Variants in FSHR observed in about 807,000 individuals in gnomAD.
The protein encoded by FSHR is follicle stimulating hormone receptor, also known as follicle-stimulating hormone receptor.
Under a neutral mutation model 52.1 loss-of-function variants are expected in FSHR, and 46 were observed. That is an observed-to-expected ratio of 0.88 (90% CI 0.70 to 1.13). The LOEUF is 1.13. Among genes scored for constraint, FSHR ranks in the 50% most tolerant of loss-of-function variants. The pLI, the probability that FSHR is intolerant of heterozygous loss-of-function variation, is 0.00. For synonymous variants in FSHR, 399 were observed against 309.6 expected (o/e 1.29, Z -3.03); for missense variants, 964 against 834.6 (o/e 1.16, Z -1.91).
At chr2:49,033,588 C>T (rs1311622467) in intron 2 of FSHR, among the ~76,000 whole-genome samples, 1 of 152,098 alleles carries the variant, frequency 6.6e-6, no homozygotes, top group Non-Finnish European at 1.5e-5. Context: ...AACCAAGCTG[C>T]CTGCACTGGG....
chr2:49,095,213 C>T (rs532557180), intron 1 of FSHR, among the ~76,000 whole-genome samples: 4 of 152,218 alleles, frequency 2.6e-5, no homozygotes, highest in South Asian at 2.1e-4. Context: ...ACTCATACTT[C>T]ATGATTTCAA....
In FSHR at chr2:49,060,662, G is replaced by A. The variant is rs138177308; in HGVS notation, c.224+7557C>T. ...GGCTGAGCTGTTATAGTATCCTGCC[G>A]CCCAGGCAAGAGAGAAGTGGCTGAA... is the stretch of plus-strand genomic sequence containing the variant. On this transcript the variant is annotated intron_variant, in intron 2 of 9. Coordinates refer to ENST00000406846, the MANE Select transcript of FSHR (RefSeq NM_000145.4). 2.8e-3 allele frequency among the ~76,000 whole-genome samples: 428 copies of A among 152,210 alleles called. 1 individual carries two copies. The highest frequency in any genetic ancestry group is 4.6e-3 in the Non-Finnish European group (312 of 67,986).
intron 1 of FSHR, among the ~76,000 whole-genome samples, chr2:49,069,557 C>T (rs1453628045): frequency 6.6e-6 from 1 of 152,050 alleles, no homozygotes; most frequent in African/African-American, 2.4e-5. Context: ...AATTCAAGTT[C>T]CATGAGGGCA....
chr2:49,144,083 C>T (rs1672785611), intron 1 of FSHR, among the ~76,000 whole-genome samples: 2 of 152,058 alleles, frequency 1.3e-5, no homozygotes, highest in African/African-American at 4.8e-5. Context: ...ATGCCAGGTG[C>T]CACTTACGAC....
chr2:49,136,149 C>T (rs981533163), intron 1 of FSHR, among the ~76,000 whole-genome samples: 2 of 151,844 alleles, frequency 1.3e-5, no homozygotes, highest in African/African-American at 4.8e-5. Context: ...AGATAGTAGA[C>T]TCAAATTAGT....
rs568181787 is a variant in FSHR, at chr2:48,980,125, G to A, written c.668+2787C>T. Among the ~76,000 whole-genome samples, 236 of 152,304 alleles carry A rather than the reference G, an allele frequency of 1.5e-3. 2 individuals are homozygous for A. Among genetic ancestry groups the A allele is most frequent in the African/African-American group, 5.5e-3 (228 of 41,572 alleles). On this transcript the variant is annotated intron_variant, in intron 8 of 9. Transcript: ENST00000406846. Reference sequence around the variant, plus strand: ...GACTGATCTGAAAGCCCCAGAAAGGGGGGCTTGATGTTAAGGTGAACAATT... The same window carrying A: ...GACTGATCTGAAAGCCCCAGAAAGGAGGGCTTGATGTTAAGGTGAACAATT...
At chr2:49,092,208 G>A (rs902991828) in intron 1 of FSHR, among the ~76,000 whole-genome samples, 2 of 152,156 alleles carry the variant, frequency 1.3e-5, no homozygotes, top group Admixed American at 6.5e-5. Flanking sequence ...ATTTTTACAT[G>A]TTGACTTTGC....
intron 1 of FSHR, among the ~76,000 whole-genome samples, chr2:49,109,828 A>G: frequency 6.6e-6 from 1 of 152,194 alleles, no homozygotes; most frequent in East Asian, 1.9e-4. Flanking sequence ...TTAAATTAGG[A>G]AAAGGATAAG....
chr2:49,020,281 C>A, intron 2 of FSHR, 121 bp from the exon 3 acceptor site: 1 of 847,956 alleles, frequency 1.2e-6, no homozygotes, highest in Non-Finnish European at 2.0e-6. Context: ...TCCTTTCCTG[C>A]CATTAAAGAA....
intron 1 of FSHR, among the ~76,000 whole-genome samples, chr2:49,129,824 G>T (rs906610652): frequency 6.6e-6 from 1 of 152,096 alleles, no homozygotes; most frequent in Non-Finnish European, 1.5e-5. Flanking sequence ...CATATGGTCT[G>T]GCAGACCCTA....
intron 1 of FSHR, among the ~76,000 whole-genome samples, chr2:49,083,936 C>T (rs192485587): frequency 1.9e-4 from 28 of 151,094 alleles, no homozygotes; most frequent in African/African-American, 5.8e-4. Flanking sequence ...GACAGATCAA[C>T]GAGACAGAAA....
chr2:49,056,464 ATATATATATATATATATATATATC>A (rs1558414975), intron 2 of FSHR, among the ~76,000 whole-genome samples: 1 of 39,102 alleles, frequency 2.6e-5, no homozygotes, highest in Admixed American at 3.6e-4. Context: ...ATATATATAT[ATATATATATATATATATATATATC>A]CAACACCAGA....
intron 1 of FSHR, among the ~76,000 whole-genome samples, chr2:49,150,425 TA>T (rs1320770608): frequency 6.6e-6 from 1 of 152,126 alleles, no homozygotes; most frequent in Non-Finnish European, 1.5e-5. Context: ...CTGTGGTAGA[TA>T]ATTTTTGCCT....
intron 4 of FSHR, among the ~76,000 whole-genome samples, chr2:48,996,319 C>A (rs186425901): frequency 1.2e-4 from 19 of 152,166 alleles, no homozygotes; most frequent in African/African-American, 4.3e-4. Context: ...AGTTGATTCT[C>A]ATTATCCACA....
intron 2 of FSHR, among the ~76,000 whole-genome samples, chr2:49,035,792 T>A (rs56945754): frequency 0.07 from 10,704 of 152,200 alleles, 1,203 homozygotes; most frequent in African/African-American, 0.24. Flanking sequence ...TTGCATTTAA[T>A]AAAGGACTAC....
intron 1 of FSHR, among the ~76,000 whole-genome samples, chr2:49,125,891 A>G (rs992669787): frequency 3.3e-5 from 5 of 152,228 alleles, no homozygotes; most frequent in African/African-American, 1.2e-4. Context: ...TGGATGGCTG[A>G]TGAGTTCAGT....
intron 4 of FSHR, among the ~76,000 whole-genome samples, chr2:48,995,317 T>C (rs1250696554): frequency 6.6e-6 from 1 of 152,132 alleles, no homozygotes; most frequent in Non-Finnish European, 1.5e-5. Context: ...TTGTGAATGC[T>C]TTATGAGTTC....
At chr2:48,972,866 T>G (rs1179833205) in intron 8 of FSHR, among the ~76,000 whole-genome samples, 1 of 152,218 alleles carries the variant, frequency 6.6e-6, no homozygotes, top group Non-Finnish European at 1.5e-5. Context: ...GTTTACAGTA[T>G]AAAAATTGGA....
At chr2:49,029,126 G>T (rs985834160) in intron 2 of FSHR, among the ~76,000 whole-genome samples, 1 of 152,140 alleles carries the variant, frequency 6.6e-6, no homozygotes. Flanking sequence ...TTGAAGAAAA[G>T]AAATAACCAA....
Sources: gnomAD v4.1 joint callset for allele counts (sites outside exome capture counted in the v4.1 genomes callset) on GRCh38, gnomAD v4.1.1 for gene constraint, MANE v1.5 for transcripts, NCBI Gene and HGNC (gene_info 2026-07-23, HGNC 2026-07-21) for gene names.